The following MRTFA variants were observed in gnomAD, a reference collection of about 807,000 sequenced individuals.
The protein encoded by MRTFA is myocardin-related transcription factor A.
Under a neutral mutation model 83.5 loss-of-function variants are expected in MRTFA, and 20 were observed. That is an observed-to-expected ratio of 0.24 (90% CI 0.17 to 0.35). MRTFA has a LOEUF of 0.35. Ranked by LOEUF, MRTFA falls within the 10% of genes least tolerant of loss-of-function variation. MRTFA has a pLI of 1.00. For missense variants in MRTFA, 1,200 were observed against 1,224.7 expected (o/e 0.98, Z 0.30); for synonymous variants, 659 against 541.2 (o/e 1.22, Z -3.02).
At chr22:40,539,165 TTATA>T (rs1400859287) in intron 3 of MRTFA, among the ~76,000 whole-genome samples, 1 of 150,544 alleles carries the variant, frequency 6.6e-6, no homozygotes, top group Admixed American at 6.6e-5. Context: ...TGGCTAATTT[TTATA>T]TATATTTTTA....
At chr22:40,489,495 T>C (rs73167082) in intron 3 of MRTFA, among the ~76,000 whole-genome samples, 12,268 of 151,726 alleles carry the variant, frequency 0.081, 749 homozygotes, top group East Asian at 0.24. Context: ...TTTTTTTTTC[T>C]AGAGACAGGG....
intron 3 of MRTFA, among the ~76,000 whole-genome samples, chr22:40,469,895 T>C (rs548213173): frequency 6.6e-6 from 1 of 151,878 alleles, no homozygotes; most frequent in East Asian, 1.9e-4. Context: ...CTGGGCAAAA[T>C]AGCAAGACCC....
At chr22:40,610,043 C>CTTTT (rs966206904) in intron 1 of MRTFA, among the ~76,000 whole-genome samples, 4 of 124,602 alleles carry the variant, frequency 3.2e-5, no homozygotes, top group Non-Finnish European at 5.2e-5. Flanking sequence ...TTTTTTTTCT[C>CTTTT]TTTTTTTTTT....
intron 3 of MRTFA, among the ~76,000 whole-genome samples, chr22:40,543,586 C>T (rs765115389): frequency 6.6e-6 from 1 of 152,114 alleles, no homozygotes; most frequent in Non-Finnish European, 1.5e-5. Context: ...TCAACAACAA[C>T]ATTTAGAAAA....
At chr22:40,456,391 ATAAAAT>A (rs1226914935) in intron 4 of MRTFA, among the ~76,000 whole-genome samples, 1 of 152,152 alleles carries the variant, frequency 6.6e-6, no homozygotes, top group African/African-American at 2.4e-5. Flanking sequence ...TGTTCAATAA[ATAAAAT>A]TAAACTTAGG....
At position 40,411,595 on chromosome 22, in the gene MRTFA, G is replaced by A. The variant is rs139977966; in HGVS notation, c.2891C>T (p.Ser964Leu). Residue 964 changes from serine (S) to leucine (L), a missense_variant, in exon 15 of 15, where the codon TCG becomes TTG. Ser to Leu is a moderately radical substitution (Grantham distance 145). Around this residue, in one of 2 missense-constraint regions of MRTFA, gnomAD observed 1,107 missense variants for 1,041.8 expected, o/e 1.06. Coordinates refer to ENST00000355630, the MANE Select transcript of MRTFA (RefSeq NM_020831.6). Reference sequence around the variant, plus strand: ...GGGCTCAGGAACAAAGTGCAATTCCGAGGTGTCCATGGGTGACGGGGGGTG... The same window carrying A: ...GGGCTCAGGAACAAAGTGCAATTCCAAGGTGTCCATGGGTGACGGGGGGTG... 40 of 1,613,782 alleles carry A rather than the reference G, an allele frequency of 2.5e-5. No homozygotes were observed. The highest frequency in any genetic ancestry group is 1.6e-4 in the Middle Eastern group (1 of 6,084).
At position 40,411,454 on chromosome 22, in the gene MRTFA, C is replaced by T. The variant is rs1436718195; in HGVS notation, c.3032G>A (p.Ser1011Asn). 3.8e-6 allele frequency: 6 copies of T among 1,597,584 alleles called. No individual in the cohort carries two copies. The Admixed American group carries it at 8.4e-5, about 22-fold the overall frequency. ...ATCGAGGAAGTCTGTGGAGAAGAGG[C>T]TGGGGGCTGTGGTGCTGAGGGGGGC... Residue 1011 changes from serine to asparagine, a missense_variant, in exon 15 of 15, where the codon AGC (serine) becomes AAC (asparagine). Physicochemically the swap from Ser to Asn is conservative, Grantham distance 46 (BLOSUM62 1). Coordinates refer to ENST00000355630, the MANE Select transcript of MRTFA (RefSeq NM_020831.6).
intron 1 of MRTFA, among the ~76,000 whole-genome samples, chr22:40,596,236 T>C (rs574231346): frequency 6.6e-6 from 1 of 152,232 alleles, no homozygotes; most frequent in Non-Finnish European, 1.5e-5. Context: ...AAGATACAAC[T>C]GAGGCTGAGT....
intron 3 of MRTFA, among the ~76,000 whole-genome samples, chr22:40,545,275 G>T (rs1314229377): frequency 6.6e-6 from 1 of 152,098 alleles, no homozygotes; most frequent in Non-Finnish European, 1.5e-5. Context: ...AATATACCTT[G>T]AAAGTTTTTA....
intron 1 of MRTFA, among the ~76,000 whole-genome samples, chr22:40,628,275 A>C (rs1186303721): frequency 6.6e-6 from 1 of 152,218 alleles, no homozygotes; most frequent in African/African-American, 2.4e-5. Flanking sequence ...GGTAACTGTC[A>C]GTACCCAGAT....
At chr22:40,492,700 T>A (rs2054290437) in intron 3 of MRTFA, among the ~76,000 whole-genome samples, 1 of 152,160 alleles carries the variant, frequency 6.6e-6, no homozygotes, top group African/African-American at 2.4e-5. Flanking sequence ...GACACATTCA[T>A]CTTTAAAATG....
At position 40,420,882 on chromosome 22, in the gene MRTFA, GTGC is replaced by G. The variant is rs751939334; in HGVS notation, c.1143_1145del (p.Gln381del). The G allele has an allele frequency of 2.4e-5, 38 of 1,611,486 alleles. No homozygotes were observed. In the Middle Eastern group the frequency reaches 8.2e-4, roughly 35 times the overall value. On this transcript the variant is annotated inframe_deletion, in exon 10 of 15. Transcript: ENST00000355630. ...CAGGCAGGATGGCCTGGTAGTTGTG[GTGC>G]TGCTGCTGCTGCTGGTTGAGGATCT...
intron 4 of MRTFA, among the ~76,000 whole-genome samples, chr22:40,460,423 A>G (rs2053689721): frequency 6.6e-6 from 1 of 152,282 alleles, no homozygotes; most frequent in East Asian, 1.9e-4. Context: ...ATGCTCTCAG[A>G]ATTAGTGCTG....
At chr22:40,438,755 C>G (rs1208560424) in intron 4 of MRTFA, among the ~76,000 whole-genome samples, 2 of 151,786 alleles carry the variant, frequency 1.3e-5, no homozygotes, top group Non-Finnish European at 1.5e-5. Context: ...CGAATTTTGT[C>G]ATAGGTCACA....
At position 40,418,962 on chromosome 22, in the gene MRTFA, C is replaced by T. The variant is rs144968877; in HGVS notation, c.1776G>A (p.Ser592=). 125 of 1,612,760 alleles carry T rather than the reference C, an allele frequency of 7.8e-5. No homozygotes were observed. Among genetic ancestry groups the T allele is most frequent in the African/African-American group, 9.3e-5 (7 of 74,928 alleles). The change falls in exon 12 of 15, where the codon TCG becomes TCA. Residue 592 remains serine, a synonymous_variant. Transcript: ENST00000355630. ...CCTCCTTCACGAGGATCTGCAGTGG[C>T]GAGGCCTGCAGGGTCAGCTGCGTCA... is the stretch of plus-strand genomic sequence containing the variant.
chr22:40,581,391 C>A lies in MRTFA; in HGVS notation c.-22+13283G>T, dbSNP rs929230516. On this transcript the variant is annotated intron_variant, in intron 2 of 14. Transcript: ENST00000355630. Reference sequence around the variant, plus strand: ...TTGTACTGCTGGTTCATAGGACATTCATCACCTTCACAAAATCTTGCCAAA... The same window carrying A: ...TTGTACTGCTGGTTCATAGGACATTAATCACCTTCACAAAATCTTGCCAAA... 3.3e-5 allele frequency among the ~76,000 whole-genome samples: 5 copies of A among 152,142 alleles called. No homozygotes were observed. In the East Asian group the frequency reaches 9.6e-4, roughly 29 times the overall value.
intron 3 of MRTFA, among the ~76,000 whole-genome samples, chr22:40,494,698 A>G (rs2054322889): frequency 6.6e-6 from 1 of 151,298 alleles, no homozygotes; most frequent in Admixed American, 6.6e-5. Context: ...AAAAAAAATT[A>G]TGGTACACCC....
chr22:40,459,807 AC>A, intron 4 of MRTFA, among the ~76,000 whole-genome samples: 1 of 116,752 alleles, frequency 8.6e-6, no homozygotes, highest in Non-Finnish European at 1.7e-5. Flanking sequence ...ACACACACAC[AC>A]ACACACACAC....
intron 4 of MRTFA, among the ~76,000 whole-genome samples, chr22:40,457,486 G>GAAAGAAAAAAAGA (rs750318222): frequency 7.8e-6 from 1 of 127,828 alleles, no homozygotes; most frequent in South Asian, 2.6e-4. Context: ...AAGAAAGAAA[G>GAAAGAAAAAAAGA]AAGGAAAGAA....
Sources: gnomAD v4.1 joint callset for allele counts (sites outside exome capture counted in the v4.1 genomes callset) on GRCh38, gnomAD v4.1.1 for gene constraint, gnomAD v4.1.1 regional missense constraint, MANE v1.5 for transcripts, NCBI Gene and HGNC (gene_info 2026-07-23, HGNC 2026-07-21) for gene names.